Variants in PARVB observed in about 807,000 individuals in gnomAD.
PARVB encodes beta-parvin.
A neutral mutation model predicts 47.0 loss-of-function variants in PARVB; 46 were observed. The ratio of observed to expected loss-of-function variants is 0.98; its 90% CI spans 0.77 to 1.25. The LOEUF is 1.25. PARVB is among the 50% of genes most tolerant of loss of function. The pLI is 0.00. For synonymous variants in PARVB, 196 were observed against 196.3 expected, an observed-to-expected ratio of 1.00 and a Z score of 0.01; for missense variants, 473 against 471.6, an observed-to-expected ratio of 1.00 and a Z score of -0.03.
chr22:44,081,964 C>T (rs1437823435), intron 1 of PARVB, among the ~76,000 whole-genome samples: 3 of 152,204 alleles, frequency 2.0e-5, no homozygotes, highest in Non-Finnish European at 4.4e-5. Context: ...ATGTGACAGA[C>T]GCAGCCTCTG....
chr22:44,137,241 C>T (rs56145106), intron 7 of PARVB, among the ~76,000 whole-genome samples: 2 of 152,320 alleles, frequency 1.3e-5, no homozygotes, highest in Non-Finnish European at 2.9e-5. Context: ...GGAAACCACT[C>T]GTGGCTTGCA....
chr22:44,090,055 G>A (rs1189906725), intron 1 of PARVB, among the ~76,000 whole-genome samples: 1 of 152,206 alleles, frequency 6.6e-6, no homozygotes, highest in African/African-American at 2.4e-5. Flanking sequence ...CCACTTGCAG[G>A]GAGTAGTTTG....
intron 1 of PARVB, among the ~76,000 whole-genome samples, chr22:44,033,504 A>C (rs2050861111): frequency 6.6e-6 from 1 of 152,154 alleles, no homozygotes; most frequent in Non-Finnish European, 1.5e-5. Flanking sequence ...GCATCAGAGA[A>C]CATTTGGCAG....
At chr22:44,166,449 A>G (rs1601712604) in intron 12 of PARVB, among the ~76,000 whole-genome samples, 3 of 152,208 alleles carry the variant, frequency 2.0e-5, no homozygotes, top group East Asian at 3.9e-4. Flanking sequence ...GAGCCTGTCC[A>G]GAGGCCAGGA....
intron 1 of PARVB, chr22:44,040,099 T>C (rs1431773266): frequency 3.9e-6 from 1 of 257,270 alleles, no homozygotes; most frequent in African/African-American, 2.3e-5. Flanking sequence ...TATGAAAATA[T>C]TCTTTACAGT....
intron 1 of PARVB, among the ~76,000 whole-genome samples, chr22:44,027,917 A>G (rs1249282632): frequency 6.2e-5 from 4 of 64,062 alleles, no homozygotes; most frequent in African/African-American, 3.9e-4. Flanking sequence ...AAAAAACCAT[A>G]TATATATATA....
chr22:44,160,052 G>A (rs964967536), intron 11 of PARVB, among the ~76,000 whole-genome samples: 2 of 152,242 alleles, frequency 1.3e-5, no homozygotes, highest in African/African-American at 2.4e-5. Flanking sequence ...GGACAGCTCA[G>A]AGCCTGTAGG....
At chr22:44,147,806 C>A in intron 8 of PARVB, 55 bp from the exon 9 acceptor site, 1 of 1,467,218 alleles carries the variant, frequency 6.8e-7, no homozygotes, top group Non-Finnish European at 9.6e-7. Flanking sequence ...TGGATTAGGG[C>A]AGCACCACGG....
chr22:44,168,932 C>T lies in PARVB; in HGVS notation c.*254C>T, dbSNP rs1255711264. 16 of 444,444 alleles carry T rather than the reference C, an allele frequency of 3.6e-5. No homozygotes were observed. The highest frequency in any genetic ancestry group is 6.3e-4 in the Middle Eastern group (1 of 1,588). 27.5% of individuals were successfully genotyped at this position (444,444 alleles called of 1,614,324 possible). A position where few individuals can be genotyped will look rare whatever the true frequency, so the allele number is the denominator to read the frequency against. ...GCAGGATTCTAAACACTCGTGCTTG[C>T]GTTTGAAGCCTCGCGTCACTCAGTC... is the stretch of plus-strand genomic sequence containing the variant. On this transcript the variant is annotated 3_prime_UTR_variant, in exon 13 of 13. Coordinates refer to ENST00000338758, the MANE Select transcript of PARVB (RefSeq NM_013327.5).
chr22:44,038,427 A>G (rs1196599523), intron 1 of PARVB, among the ~76,000 whole-genome samples: 1 of 152,148 alleles, frequency 6.6e-6, no homozygotes, highest in East Asian at 1.9e-4. Flanking sequence ...TGTAAAGCCT[A>G]CTTAACTCAT....
chr22:44,168,880 T>C lies in PARVB; in HGVS notation c.*202T>C. On this transcript the variant is annotated 3_prime_UTR_variant, in exon 13 of 13. Transcript: ENST00000338758. ...GTTCTTAATCTCCTCTCCATGTAGT[T>C]CCCAGTGGGCAAGAGCCTTTGAAAA... 1 of 555,562 alleles carries C rather than the reference T, an allele frequency of 1.8e-6. No individual in the cohort carries two copies. Among genetic ancestry groups the C allele is most frequent in the East Asian group, 3.0e-5 (1 of 33,586 alleles). The allele number at this position is 555,562 out of a possible 1,614,324, so 34.4% of individuals were successfully genotyped here.
rs1323375286 is a variant in PARVB, at chr22:44,169,622, G to A, written c.*944G>A. 6.6e-6 allele frequency: 1 copy of A among 150,610 alleles called. No individual in the cohort carries two copies. The highest frequency in any genetic ancestry group is 1.5e-5 in the Non-Finnish European group (1 of 68,062). The allele number at this position is 150,610 out of a possible 1,614,324, so 9.3% of individuals were successfully genotyped here. On this transcript the variant is annotated 3_prime_UTR_variant, in exon 13 of 13. Transcript: ENST00000338758. Reference sequence around the variant, plus strand: ...ATCCTCAGGCCTTTCGCCTTGGCTTGTAGATGCCGGCTTCTCCCCGTGTCT... The same window carrying A: ...ATCCTCAGGCCTTTCGCCTTGGCTTATAGATGCCGGCTTCTCCCCGTGTCT...
rs987226811 is a variant in PARVB at position 44,147,463 on chromosome 22, A to C, written c.713-398A>C. The C allele has an allele frequency of 4.8e-5, 17 of 356,848 alleles. No homozygotes were observed. In the Admixed American group the frequency reaches 5.9e-4, roughly 12 times the overall value. 22.1% of individuals were successfully genotyped at this position (356,848 alleles called of 1,614,324 possible). On this transcript the variant is annotated intron_variant, in intron 8 of 12. Coordinates refer to ENST00000338758, the MANE Select transcript of PARVB (RefSeq NM_013327.5). ...CAGGACATGGCCACCGTCGCGGGGG[A>C]AGTGGTTGGATTCACAGGTGACATT...
chr22:44,081,712 G>C, intron 1 of PARVB: 1 of 736,636 alleles, frequency 1.4e-6, no homozygotes, highest in Non-Finnish European at 1.7e-6. Context: ...GCCTCGGTGG[G>C]GCTCATTGTG....
chr22:44,063,146 C>G (rs1421025207), intron 1 of PARVB, among the ~76,000 whole-genome samples: 1 of 152,114 alleles, frequency 6.6e-6, no homozygotes, highest in Non-Finnish European at 1.5e-5. Flanking sequence ...AAAAGATTGT[C>G]CTGGCACCTG....
chr22:44,093,828 A>G, intron 1 of PARVB, 100 bp from the exon 2 acceptor site: 3 of 720,658 alleles, frequency 4.2e-6, no homozygotes, highest in Non-Finnish European at 7.2e-6. Flanking sequence ...TAAATGCTGA[A>G]AAAAACAGGA....
Position 44,158,158 on chromosome 22 carries a change from C to T in PARVB, c.945+75C>T. ...AAATGCAGAGCATAGACTATCCCGG[C>T]AGCTCTTCCTGCAGCCTGGCTGCAT... On this transcript the variant is annotated intron_variant, in intron 11 of 12. Coordinates refer to ENST00000338758, the MANE Select transcript of PARVB (RefSeq NM_013327.5). 4.1e-6 allele frequency: 4 copies of T among 982,370 alleles called. 1 individual carries two copies. 60.9% of individuals were successfully genotyped at this position (982,370 alleles called of 1,614,324 possible).
At chr22:44,132,234 C>G (rs558022598) in intron 5 of PARVB, among the ~76,000 whole-genome samples, 3 of 152,118 alleles carry the variant, frequency 2.0e-5, no homozygotes, top group Non-Finnish European at 4.4e-5. Flanking sequence ...GCAGGAGACC[C>G]TGGAGCCTGG....
chr22:44,046,346 T>C (rs1255238418), intron 1 of PARVB, among the ~76,000 whole-genome samples: 1 of 152,206 alleles, frequency 6.6e-6, no homozygotes, highest in Non-Finnish European at 1.5e-5. Context: ...AGCTGCTCCT[T>C]GGTGCTAGGA....
Sources: gnomAD v4.1 joint callset for allele counts (sites outside exome capture counted in the v4.1 genomes callset) on GRCh38, gnomAD v4.1.1 for gene constraint, MANE v1.5 for transcripts, NCBI Gene and HGNC (gene_info 2026-07-23, HGNC 2026-07-21) for gene names.